Variants in FMO3 observed in about 807,000 individuals in gnomAD.
The protein encoded by FMO3 is flavin-containing monooxygenase 3.
In FMO3, 40 loss-of-function variants were observed where a neutral mutation model predicts 39.4. The ratio of observed to expected loss-of-function variants is 1.02; its 90% confidence interval spans 0.79 to 1.32. FMO3 has a LOEUF of 1.32. Among genes scored for constraint, FMO3 ranks in the 40% most tolerant of loss-of-function variants. FMO3 has a pLI of 0.00. For synonymous variants in FMO3, 219 were observed against 228.8 expected, an observed-to-expected ratio of 0.96 and a Z score of 0.39; for missense variants, 680 against 651.8, an observed-to-expected ratio of 1.04 and a Z score of -0.47.
chr1:171,095,858 A>G (rs1341197292), intron 2 of FMO3, among the ~76,000 whole-genome samples: 2 of 33,132 alleles, frequency 6.0e-5, no homozygotes, highest in African/African-American at 2.0e-4. Context: ...TTATATATAT[A>G]ATATAAATAT....
At chr1:171,109,944 AC>A (rs1369578447) in intron 5 of FMO3, among the ~76,000 whole-genome samples, 1 of 152,204 alleles carries the variant, frequency 6.6e-6, no homozygotes, top group African/African-American at 2.4e-5. Context: ...CCTGAAAACT[AC>A]ACTATTATGG....
rs1354570647 is a variant in FMO3 at position 171,096,795 on chromosome 1, TA to T, written c.132+4006del. On this transcript the variant is annotated intron_variant, in intron 2 of 8. Coordinates refer to ENST00000367755, the MANE Select transcript of FMO3 (RefSeq NM_001002294.3). ...AATATAATTATATTAAAAATATATA[TA>T]TTTGTAATTATACTTTAAGTTCTAG... Among the ~76,000 whole-genome samples the T allele has an allele frequency of 6.9e-5, 9 of 130,428 alleles. No homozygotes were observed. The East Asian group carries it at 9.2e-4, about 13-fold the overall frequency. 85.6% of individuals were successfully genotyped at this position (130,428 alleles called of 152,430 possible). A position where few individuals can be genotyped will look rare whatever the true frequency, so the allele number is the denominator to read the frequency against.
chr1:171,096,128 TAG>T (rs1655021289), intron 2 of FMO3, among the ~76,000 whole-genome samples: 2 of 69,198 alleles, frequency 2.9e-5, no homozygotes, highest in East Asian at 4.1e-4. Flanking sequence ...ATTAATAATA[TAG>T]TAATTATTAT....
rs1656043777 is a variant in FMO3 at position 171,114,207 on chromosome 1, T to C, written c.1028T>C (p.Ile343Thr). The change falls in exon 7 of 9, where the codon ATC (isoleucine) becomes ACC (threonine). Residue 343 changes from isoleucine (I) to threonine (T), a missense_variant. Physicochemically the swap from Ile to Thr is moderately conservative, Grantham distance 89. Transcript: ENST00000367755. ...FAYPFLDESIIKSRNNEIILF... is the reference protein window; with the variant it reads ...FAYPFLDESITKSRNNEIILF... Reference sequence around the variant, plus strand: ...TACCCCTTCCTTGATGAGTCTATCATCAAAAGCAGAAACAATGAGATCATT... The same window carrying C: ...TACCCCTTCCTTGATGAGTCTATCACCAAAAGCAGAAACAATGAGATCATT... 1 of 1,613,888 alleles carries C rather than the reference T, an allele frequency of 6.2e-7. No individual in the cohort carries two copies.
Position 171,114,299 on chromosome 1 carries a change from T to G in FMO3, c.1120T>G (p.Ser374Ala). The change falls in exon 7 of 9, where the codon TCC (serine) becomes GCC (alanine). Residue 374 changes from serine to alanine, a missense_variant. Physicochemically the swap from Ser to Ala is moderately conservative, Grantham distance 99. Coordinates refer to ENST00000367755, the MANE Select transcript of FMO3 (RefSeq NM_001002294.3). ...STIAVIGFVQ[S>A]LGAAIPTVDL... ...CATAGCAGTGATTGGCTTTGTCCAG[T>G]CCCTTGGGGCTGCCATTCCCACAGT... 5 of 1,613,926 alleles carry G rather than the reference T, an allele frequency of 3.1e-6. No individual in the cohort carries two copies. Among genetic ancestry groups the G allele is most frequent in the Non-Finnish European group, 4.2e-6 (5 of 1,179,936 alleles).
intron 2 of FMO3, among the ~76,000 whole-genome samples, chr1:171,097,405 C>T (rs1655157969): frequency 1.8e-5 from 2 of 111,688 alleles, no homozygotes; most frequent in South Asian, 3.3e-4. Context: ...ACAGTCCCAC[C>T]AACAGTGTAA....
At chr1:171,096,924 A>T (rs1655121557) in intron 2 of FMO3, among the ~76,000 whole-genome samples, 1 of 151,388 alleles carries the variant, frequency 6.6e-6, no homozygotes, top group Non-Finnish European at 1.5e-5. Context: ...ATATCTCCTA[A>T]TGCTATCCCT....
intron 2 of FMO3, among the ~76,000 whole-genome samples, chr1:171,096,051 T>TATATA (rs1654996687): frequency 1.8e-5 from 1 of 56,798 alleles, no homozygotes; most frequent in Non-Finnish European, 2.6e-5. Context: ...TATATATAAA[T>TATATA]ATATAATATA....
chr1:171,109,174 T>C (rs973034640), intron 5 of FMO3, among the ~76,000 whole-genome samples: 4 of 152,162 alleles, frequency 2.6e-5, no homozygotes, highest in Admixed American at 6.6e-5. Context: ...GAAATGTCAA[T>C]TGTCTTCTTG....
chr1:171,111,886 G>A (rs1217820013), intron 6 of FMO3, among the ~76,000 whole-genome samples: 1 of 152,170 alleles, frequency 6.6e-6, no homozygotes, highest in Admixed American at 6.5e-5. Context: ...ACAAACAATA[G>A]CATAAGATCA....
intron 2 of FMO3, among the ~76,000 whole-genome samples, chr1:171,096,619 T>C (rs1655083772): frequency 8.0e-6 from 1 of 125,376 alleles, no homozygotes; most frequent in Non-Finnish European, 1.6e-5. Context: ...ATTAAATACA[T>C]AATATACTTT....
chr1:171,093,003 A>G lies in FMO3; in HGVS notation c.132+213A>G, dbSNP rs145882787. ...ACAATGGGCTTTGAAATTCTCCATT[A>G]CAGTTCTCCCTTGATAGATCATTAA... is the stretch of plus-strand genomic sequence containing the variant. On this transcript the variant is annotated intron_variant, in intron 2 of 8. Coordinates refer to ENST00000367755, the MANE Select transcript of FMO3 (RefSeq NM_001002294.3). Among the ~76,000 whole-genome samples, 547 of 152,308 alleles carry G rather than the reference A, an allele frequency of 3.6e-3. 4 individuals carry two copies. Among genetic ancestry groups the G allele is most frequent in the Non-Finnish European group, 6.2e-3 (424 of 68,016 alleles).
chr1:171,111,097 C>A, intron 6 of FMO3, 100 bp downstream of exon 6: 1 of 906,402 alleles, frequency 1.1e-6, no homozygotes, highest in Non-Finnish European at 1.8e-6. Context: ...TATTAGCAAT[C>A]ACAACTCATA....
At chr1:171,096,071 T>TAATATATATTATATATAAATTTA (rs1491505210) in intron 2 of FMO3, among the ~76,000 whole-genome samples, 1 of 53,670 alleles carries the variant, frequency 1.9e-5, no homozygotes, top group African/African-American at 1.0e-4. Context: ...ATATTATATA[T>TAATATATATTATATATAAATTTA]TAATATATAA....
intron 2 of FMO3, among the ~76,000 whole-genome samples, chr1:171,096,280 TA>T (rs1434046081): frequency 3.1e-5 from 2 of 63,804 alleles, no homozygotes; most frequent in African/African-American, 1.7e-4. Context: ...AAATATTATA[TA>T]TATTATATAT....
intron 5 of FMO3, 57 bp downstream of exon 5, chr1:171,108,278 T>C: frequency 6.3e-7 from 1 of 1,598,712 alleles, no homozygotes; most frequent in South Asian, 1.1e-5. Flanking sequence ...GTTATTATCG[T>C]TTGAAAGGTG....
intron 3 of FMO3, among the ~76,000 whole-genome samples, chr1:171,107,089 G>T (rs1330640109): frequency 6.6e-6 from 1 of 152,090 alleles, no homozygotes; most frequent in Non-Finnish European, 1.5e-5. Flanking sequence ...AGAATTGAAA[G>T]ATTTTTTTAA....
At position 171,114,432 on chromosome 1, in the gene FMO3, A is replaced by G. The variant is rs563268847; in HGVS notation, c.1183+70A>G. 4.7e-5 allele frequency: 54 copies of G among 1,148,258 alleles called. No homozygotes were observed. Among genetic ancestry groups the G allele is most frequent in the Non-Finnish European group, 6.4e-5 (50 of 776,364 alleles). 71.1% of individuals were successfully genotyped at this position (1,148,258 alleles called of 1,614,324 possible). ...TGACAATAACTTTGGATCTTTGTGA[A>G]AACAATAATCCTAGTTACAAGGTCC... On this transcript the variant is annotated intron_variant, in intron 7 of 8. Coordinates refer to ENST00000367755, the MANE Select transcript of FMO3 (RefSeq NM_001002294.3).
intron 2 of FMO3, chr1:171,101,035 G>A (rs74319242): frequency 2.2e-6 from 1 of 447,226 alleles, no homozygotes; most frequent in Non-Finnish European, 4.5e-6. Context: ...TCAACAGAAA[G>A]AGAGAAATTT....
Sources: gnomAD v4.1 joint callset for allele counts (sites outside exome capture counted in the v4.1 genomes callset) on GRCh38, gnomAD v4.1.1 for gene constraint, MANE v1.5 for transcripts, NCBI Gene and HGNC (gene_info 2026-07-23, HGNC 2026-07-21) for gene names.